TASP1: variants seen among roughly 807,000 people sequenced by gnomAD.
TASP1 encodes taspase 1, also known as threonine aspartase 1.
A neutral mutation model predicts 56.6 loss-of-function variants in TASP1; 16 were observed. That is an observed-to-expected ratio of 0.28 (90% CI 0.19 to 0.43). TASP1 has a LOEUF of 0.43. TASP1 is among the 20% of genes least tolerant of loss of function. The pLI, the probability that TASP1 is intolerant of heterozygous loss-of-function variation, is 1.00. For missense variants in TASP1, 393 were observed against 511.6 expected (o/e 0.77, Z 2.24); for synonymous variants, 179 against 184.2 (o/e 0.97, Z 0.23).
chr20:13,302,597 G>C, the TASP1 span, among the ~76,000 whole-genome samples: 1 of 152,184 alleles, frequency 6.6e-6, no homozygotes, highest in Non-Finnish European at 1.5e-5. Flanking sequence ...GCAGAGTAAG[G>C]AATGAGCAAG....
the TASP1 span, among the ~76,000 whole-genome samples, chr20:13,225,130 G>A: frequency 2.6e-4 from 39 of 152,086 alleles, no homozygotes; most frequent in South Asian, 6.6e-3. Context: ...TGGGATTACA[G>A]GCGTGAGCCA....
chr20:13,191,914 C>G, the TASP1 span, among the ~76,000 whole-genome samples: 1 of 152,020 alleles, frequency 6.6e-6, no homozygotes, highest in Admixed American at 6.6e-5. Flanking sequence ...TAAAAAGAAG[C>G]CTAATAAGAC....
chr20:13,600,778 T>C (rs1268594143), intron 4 of TASP1, among the ~76,000 whole-genome samples: 1 of 152,218 alleles, frequency 6.6e-6, no homozygotes, highest in African/African-American at 2.4e-5. Flanking sequence ...TACATATGTG[T>C]ATGTATATGC....
At chr20:13,259,775 A>G in the TASP1 span, among the ~76,000 whole-genome samples, 1 of 152,258 alleles carries the variant, frequency 6.6e-6, no homozygotes, top group Non-Finnish European at 1.5e-5. Context: ...ATAGGAAATA[A>G]TAAGCCAAGT....
the TASP1 span, among the ~76,000 whole-genome samples, chr20:13,287,796 C>T: frequency 8.5e-5 from 13 of 152,268 alleles, no homozygotes; most frequent in African/African-American, 2.6e-4. Flanking sequence ...ATTAATGTAT[C>T]GGTAATCTAT....
the TASP1 span, among the ~76,000 whole-genome samples, chr20:13,362,054 C>G: frequency 6.7e-6 from 1 of 149,684 alleles, no homozygotes; most frequent in East Asian, 2.0e-4. Context: ...CACCCCTTGC[C>G]ACAAGACCTC....
chr20:13,525,355 T>C (rs1053884512), intron 10 of TASP1, among the ~76,000 whole-genome samples: 3 of 152,134 alleles, frequency 2.0e-5, no homozygotes, highest in Non-Finnish European at 2.9e-5. Context: ...TGCTCTAGTC[T>C]ATCCCTAGCT....
chr20:13,236,277 A>C, the TASP1 span, among the ~76,000 whole-genome samples: 2 of 152,168 alleles, frequency 1.3e-5, no homozygotes, highest in African/African-American at 4.8e-5. Context: ...GGAGTAATAC[A>C]GTAGAAGACA....
chr20:13,344,563 G>GT, the TASP1 span, among the ~76,000 whole-genome samples: 1 of 152,120 alleles, frequency 6.6e-6, no homozygotes, highest in African/African-American at 2.4e-5. Flanking sequence ...CCCAGGAGAG[G>GT]TTTTCTGGAA....
At chr20:13,426,538 A>G (rs894717616) in intron 12 of TASP1, among the ~76,000 whole-genome samples, 8 of 151,738 alleles carry the variant, frequency 5.3e-5, no homozygotes, top group Non-Finnish European at 2.9e-5. Context: ...TATTAGTGAT[A>G]CAATATATAG....
At chr20:13,147,142 C>T in the TASP1 span, among the ~76,000 whole-genome samples, 13 of 152,266 alleles carry the variant, frequency 8.5e-5, no homozygotes, top group African/African-American at 3.1e-4. Context: ...CCTGCTCCTG[C>T]GTGCATTCCA....
At chr20:13,520,216 C>G (rs1356790831) in intron 10 of TASP1, among the ~76,000 whole-genome samples, 1 of 152,128 alleles carries the variant, frequency 6.6e-6, no homozygotes, top group African/African-American at 2.4e-5. Flanking sequence ...TTTATAGATT[C>G]AATGCCATCC....
At chr20:13,282,198 G>C in the TASP1 span, among the ~76,000 whole-genome samples, 1 of 152,068 alleles carries the variant, frequency 6.6e-6, no homozygotes, top group Non-Finnish European at 1.5e-5. Context: ...GTTGAATTGG[G>C]ATCTCTGAAT....
intron 11 of TASP1, among the ~76,000 whole-genome samples, chr20:13,442,317 A>C (rs968389760): frequency 5.9e-5 from 9 of 151,554 alleles, no homozygotes; most frequent in African/African-American, 1.9e-4. Flanking sequence ...CACACACACC[A>C]CACACATACT....
At chr20:13,188,780 A>G in the TASP1 span, among the ~76,000 whole-genome samples, 7 of 152,298 alleles carry the variant, frequency 4.6e-5, no homozygotes, top group African/African-American at 1.7e-4. Context: ...CAAACTAAAT[A>G]TGGCTGAGAA....
At chr20:13,456,012 A>C (rs773966839) in intron 11 of TASP1, among the ~76,000 whole-genome samples, 8 of 152,168 alleles carry the variant, frequency 5.3e-5, no homozygotes, top group Non-Finnish European at 8.8e-5. Context: ...GGGAATTTTA[A>C]ACAAGCGGGA....
intron 12 of TASP1, among the ~76,000 whole-genome samples, chr20:13,421,753 G>GT (rs2042441181): frequency 6.6e-6 from 1 of 152,260 alleles, no homozygotes; most frequent in African/African-American, 2.4e-5. Flanking sequence ...TATAGCAGTG[G>GT]TGGGAGTATG....
intron 6 of TASP1, among the ~76,000 whole-genome samples, chr20:13,571,618 C>T (rs1411657843): frequency 6.6e-6 from 1 of 152,160 alleles, no homozygotes; most frequent in Non-Finnish European, 1.5e-5. Context: ...CCTGTATTCC[C>T]TGACCTCAGT....
chr20:13,448,361 T>TATAA (rs2043489940), intron 11 of TASP1, among the ~76,000 whole-genome samples: 2 of 152,158 alleles, frequency 1.3e-5, no homozygotes, highest in African/African-American at 2.4e-5. Context: ...CGAGTGGCTT[T>TATAA]ATTTTCACAA....
Sources: gnomAD v4.1 joint callset for allele counts (sites outside exome capture counted in the v4.1 genomes callset) on GRCh38, gnomAD v4.1.1 for gene constraint, MANE v1.5 for transcripts, NCBI Gene and HGNC (gene_info 2026-07-23, HGNC 2026-07-21) for gene names.